Variants in ZNF37A observed in about 807,000 individuals in gnomAD.
ZNF37A encodes zinc finger protein 37A.
In ZNF37A, 10 loss-of-function variants were observed where a neutral mutation model predicts 12.3. The observed-to-expected ratio is 0.82, with a 90% CI of 0.50 to 1.38. The LOEUF is 1.38. Ranked by LOEUF, ZNF37A falls within the 40% of genes most tolerant of loss-of-function variation. ZNF37A has a pLI of 0.00. For missense variants in ZNF37A, 580 were observed against 651.2 expected, an observed-to-expected ratio of 0.89 and a Z score of 1.19; for synonymous variants, 207 against 223.0, an observed-to-expected ratio of 0.93 and a Z score of 0.64.
chr10:38,100,542 T>G (rs1170156842), intron 5 of ZNF37A, among the ~76,000 whole-genome samples: 1 of 152,208 alleles, frequency 6.6e-6, no homozygotes, highest in Non-Finnish European at 1.5e-5. Context: ...TTCTCCCATT[T>G]GCTTTTGAAA....
chr10:38,129,263 A>G (rs1225337056), downstream of ZNF37A, among the ~76,000 whole-genome samples: 4 of 146,210 alleles, frequency 2.7e-5, no homozygotes, highest in South Asian at 2.1e-4. Flanking sequence ...GATCTTAAGA[A>G]CTTCAGAACT....
In ZNF37A at chr10:38,100,262, C is replaced by T. The variant is rs188985424; in HGVS notation, c.15+3630C>T. 9.8e-5 allele frequency among the ~76,000 whole-genome samples: 15 copies of T among 152,302 alleles called. No homozygotes were observed. The East Asian group carries it at 2.9e-3, about 29-fold the overall frequency. On this transcript the variant is annotated intron_variant, in intron 5 of 7. Transcript: ENST00000685332. ...CAGGACCGGTGCGAAATTAACATTGCTAATGAAGTTTTGGGCACCATTGTC... is the reference window on the plus strand; with the variant it reads ...CAGGACCGGTGCGAAATTAACATTGTTAATGAAGTTTTGGGCACCATTGTC...
chr10:38,149,582 T>C (rs2070300768), exon 8 of ZNF37A: 1 of 146,502 alleles, frequency 6.8e-6, no homozygotes, highest in South Asian at 2.2e-4. Flanking sequence ...TTTTTTTTTT[T>C]TTTTTTTTTT....
chr10:38,146,805 A>G (rs766594595), exon 8 of ZNF37A: 4 of 398,352 alleles, frequency 1.0e-5, no homozygotes, highest in Non-Finnish European at 1.8e-5. Flanking sequence ...TGGAGACTCC[A>G]ACCGAGCGGC....
chr10:38,145,570 T>C (rs1054979085), intron 7 of ZNF37A, among the ~76,000 whole-genome samples: 31 of 152,206 alleles, frequency 2.0e-4, no homozygotes, highest in African/African-American at 7.0e-4. Context: ...GTCTTTTCTA[T>C]CAAATGAAAG....
intron 7 of ZNF37A, among the ~76,000 whole-genome samples, chr10:38,144,738 A>T (rs182588830): frequency 6.6e-6 from 1 of 152,238 alleles, no homozygotes; most frequent in East Asian, 1.9e-4. Flanking sequence ...AAAAAATTCA[A>T]TAATCTCATA....
At chr10:38,143,249 T>C (rs2070208382) in intron 7 of ZNF37A, 1 of 152,134 alleles carries the variant, frequency 6.6e-6, no homozygotes, top group South Asian at 2.1e-4. Context: ...TATTTTAAGG[T>C]GATTGTCTGT....
intron 3 of ZNF37A, 47 bp downstream of exon 3, chr10:38,095,676 T>C (rs961990376): frequency 1.3e-5 from 2 of 151,926 alleles, no homozygotes; most frequent in East Asian, 3.9e-4. Flanking sequence ...TGGGATGGGG[T>C]GGGGTGGACA....
chr10:38,099,334 G>A (rs2067381934), intron 5 of ZNF37A, among the ~76,000 whole-genome samples: 1 of 152,024 alleles, frequency 6.6e-6, no homozygotes, highest in Non-Finnish European at 1.5e-5. Flanking sequence ...TGTTCTATGA[G>A]TTTCACTACT....
chr10:38,102,820 A>G lies in ZNF37A; in HGVS notation c.15+6188A>G, dbSNP rs561190071. ...TCCTTTTTGAAAGGTAGTTTTGCCT[A>G]ATGTAGAATTTTTGTTATTTTTTTT... On this transcript the variant is annotated intron_variant, in intron 5 of 7. Transcript: ENST00000685332. 3.3e-5 allele frequency among the ~76,000 whole-genome samples: 5 copies of G among 152,222 alleles called. No individual in the cohort carries two copies. In the South Asian group the frequency reaches 1.0e-3, roughly 32 times the overall value.
intron 4 of ZNF37A, 64 bp downstream of exon 4, chr10:38,095,868 A>G (rs1008689247): frequency 2.6e-5 from 4 of 152,218 alleles, no homozygotes; most frequent in African/African-American, 9.7e-5. Flanking sequence ...AAATCAAGTT[A>G]GAGCAAGTTC....
chr10:38,118,644 A>G lies in ZNF37A; in HGVS notation c.1493A>G (p.Asn498Ser), dbSNP rs751523143. The part of the protein sequence containing the change: ...THIRQKPYGC[N>S]QCGKSFCVKS... ...ATAAGACAGAAACCCTATGGATGTAATCAATGTGGAAAATCATTCTGTGTG... is the reference window on the plus strand; with the variant it reads ...ATAAGACAGAAACCCTATGGATGTAGTCAATGTGGAAAATCATTCTGTGTG... Residue 498 changes from asparagine to serine, a missense_variant, in exon 8 of 8, where the codon AAT (asparagine) becomes AGT (serine). Coordinates refer to ENST00000685332, the MANE Select transcript of ZNF37A (RefSeq NM_001324250.3). 2.5e-6 allele frequency: 4 copies of G among 1,613,564 alleles called. No homozygotes were observed. The South Asian group carries it at 4.4e-5, about 18-fold the overall frequency.
At chr10:38,125,825 A>T (rs1004225630), downstream of ZNF37A, among the ~76,000 whole-genome samples, 1 of 152,160 alleles carries the variant, frequency 6.6e-6, no homozygotes, top group African/African-American at 2.4e-5. Flanking sequence ...TAAAGGGAAG[A>T]GGTTTAATTG....
At chr10:38,127,588 G>A (rs1407945186), downstream of ZNF37A, among the ~76,000 whole-genome samples, 1 of 152,156 alleles carries the variant, frequency 6.6e-6, no homozygotes, top group Non-Finnish European at 1.5e-5. Flanking sequence ...CAAGGGGCCA[G>A]TTTGTTAGTA....
chr10:38,118,383 A>C lies in ZNF37A; in HGVS notation c.1232A>C (p.Tyr411Ser), dbSNP rs1233835845. Reference sequence around the variant, plus strand: ...AGAATACACACAGGTGAAAAACCTTATGAATGTAATGAATGTGGGAAGTCA... The same window carrying C: ...AGAATACACACAGGTGAAAAACCTTCTGAATGTAATGAATGTGGGAAGTCA... ...HQRIHTGEKP[Y>S]ECNECGKSFS... The change falls in exon 8 of 8, where the codon TAT becomes TCT. Residue 411 changes from tyrosine (Y) to serine (S), a missense_variant. By Grantham distance (144) the Tyr-to-Ser change is moderately radical. Transcript: ENST00000685332. The C allele has an allele frequency of 6.2e-7, 1 of 1,613,954 alleles. No homozygotes were observed. The highest frequency in any genetic ancestry group is 1.1e-5 in the South Asian group (1 of 91,082).
At chr10:38,105,467 T>A (rs1227101752) in intron 5 of ZNF37A, among the ~76,000 whole-genome samples, 2 of 152,220 alleles carry the variant, frequency 1.3e-5, no homozygotes, top group African/African-American at 4.8e-5. Flanking sequence ...TTTGACTAAG[T>A]CTTCTTATTT....
intron 5 of ZNF37A, among the ~76,000 whole-genome samples, chr10:38,101,587 CTTT>C (rs35103940): frequency 6.9e-6 from 1 of 144,486 alleles, no homozygotes; most frequent in Admixed American, 6.9e-5. Flanking sequence ...GTAGACTGAC[CTTT>C]TTTTTTTTTA....
intron 1 of ZNF37A, 127 bp downstream of exon 1, chr10:38,094,617 G>A (rs1260929313): frequency 6.6e-6 from 1 of 152,390 alleles, no homozygotes; most frequent in African/African-American, 2.4e-5. Flanking sequence ...GCTCCCAAAG[G>A]GAATGCGCAA....
At chr10:38,125,724 T>G (rs1206347540), downstream of ZNF37A, among the ~76,000 whole-genome samples, 3 of 152,308 alleles carry the variant, frequency 2.0e-5, no homozygotes, top group African/African-American at 4.8e-5. Context: ...GGGGCTTTTT[T>G]GGGGAATAAA....
Sources: allele counts gnomAD v4.1 joint callset (sites outside exome capture counted in the v4.1 genomes callset), GRCh38; gene constraint gnomAD v4.1.1; transcripts MANE v1.5; gene names NCBI Gene and HGNC (gene_info 2026-07-23, HGNC 2026-07-21).